Variants in DVL3 observed in about 807,000 individuals in gnomAD.
The protein encoded by DVL3 is dishevelled segment polarity protein 3.
In DVL3, 27 loss-of-function variants were observed where a neutral mutation model predicts 67.4. That is an observed-to-expected ratio of 0.40 (90% CI 0.30 to 0.55). The LOEUF is 0.55. Among genes scored for constraint, DVL3 ranks in the 20% least tolerant of loss-of-function variants. DVL3 has a pLI of 0.46. For synonymous variants in DVL3, 369 were observed against 396.8 expected (o/e 0.93, Z 0.83); for missense variants, 819 against 1,021.5 (o/e 0.80, Z 2.70).
rs201965641 is a variant in DVL3 at position 184,166,530 on chromosome 3, T to C, written c.980+8T>C. ...GATTGTGCACAAACCGGGGTATGGA[T>C]GGAATGGGGCACTGGGCAAGGGGCT... is the stretch of plus-strand genomic sequence containing the variant. On this transcript the variant is annotated splice_region_variant and intron_variant, in intron 9 of 14. Transcript: ENST00000313143. The surrounding 1 kb of genome is among the most constrained non-coding windows in gnomAD (Gnocchi z 6.7). 5.8e-5 allele frequency: 94 copies of C among 1,614,048 alleles called. No homozygotes were observed. The East Asian group carries it at 2.0e-3, about 35-fold the overall frequency.
Position 184,170,213 on chromosome 3 carries a change from A to G in DVL3, c.1706A>G (p.His569Arg), listed in dbSNP as rs2109023798. The change falls in exon 14 of 15, where the codon CAC (histidine) becomes CGC (arginine). Residue 569 changes from histidine (H) to arginine (R), a missense_variant. Transcript: ENST00000313143. The surrounding 1 kb of genome is among the most constrained non-coding windows in gnomAD (Gnocchi z 6.5). ...GGCGGGGGCAGCGCCAGCAGTCAGC[A>G]CAGCGAAGGTAAGGTAGAGGGGCCG... ...SYGGGSASSQ[H>R]SEGSRSSGSN... is the part of the protein sequence containing the mutation. The G allele has an allele frequency of 6.2e-7, 1 of 1,611,816 alleles. No homozygotes were observed. Among genetic ancestry groups the G allele is most frequent in the East Asian group, 2.2e-5 (1 of 44,866 alleles).
In DVL3 at chr3:184,170,823, C is replaced by A; in HGVS notation, c.*68C>A. On this transcript the variant is annotated 3_prime_UTR_variant, in exon 15 of 15. Transcript: ENST00000313143. This position sits in a 1 kb window ranked among gnomAD's most constrained non-coding sequence, Gnocchi z 6.5. ...GGCTGCGTTCCTCTCTCCATCCGTC[C>A]GTCTTTTTTACTTTGTCTGGTACCT... 1.9e-6 allele frequency: 3 copies of A among 1,589,056 alleles called. No homozygotes were observed. The highest frequency in any genetic ancestry group is 2.6e-6 in the Non-Finnish European group (3 of 1,168,334).
At position 184,165,047 on chromosome 3, in the gene DVL3, G is replaced by A. The variant is rs749137779; in HGVS notation, c.600-66G>A. Reference sequence around the variant, plus strand: ...GCTTTGTGTTGGGGACCCAGGCCCTGCAGTGCCTCCCCTCATGGGGGCAGG... The same window carrying A: ...GCTTTGTGTTGGGGACCCAGGCCCTACAGTGCCTCCCCTCATGGGGGCAGG... On this transcript the variant is annotated intron_variant, in intron 5 of 14. Transcript: ENST00000313143. The surrounding 1 kb of genome is among the most constrained non-coding windows in gnomAD (Gnocchi z 4.1). The A allele has an allele frequency of 3.1e-6, 5 of 1,609,580 alleles. No individual in the cohort carries two copies. The South Asian group carries it at 5.5e-5, about 18-fold the overall frequency.
In DVL3 at chr3:184,170,232, G is replaced by A. The variant is rs1293535233; in HGVS notation, c.1714+11G>A. The A allele has an allele frequency of 6.2e-7, 1 of 1,611,844 alleles. No individual in the cohort carries two copies. The highest frequency in any genetic ancestry group is 8.5e-7 in the Non-Finnish European group (1 of 1,179,398). On this transcript the variant is annotated intron_variant, in intron 14 of 14. Transcript: ENST00000313143. The surrounding 1 kb of genome is among the most constrained non-coding windows in gnomAD (Gnocchi z 6.5). ...GTCAGCACAGCGAAGGTAAGGTAGA[G>A]GGGCCGTGGAGGAAGGCTATAGGTG...
At chr3:184,169,874 A>C in intron 13 of DVL3, 132 bp from the exon 14 acceptor site, 2 of 772,594 alleles carry the variant, frequency 2.6e-6, no homozygotes, top group Non-Finnish European at 4.0e-6. Context: ...AGAAGGGGGG[A>C]GCTCTCTGGG....
chr3:184,156,580 G>A (rs1714197587), intron 1 of DVL3: 2 of 414,630 alleles, frequency 4.8e-6, no homozygotes, highest in Non-Finnish European at 9.7e-6. Flanking sequence ...CCCCTCCCTG[G>A]TGGGGTCTTC....
intron 13 of DVL3, among the ~76,000 whole-genome samples, chr3:184,169,507 TA>T (rs1015477289): frequency 6.6e-6 from 1 of 152,108 alleles, no homozygotes; most frequent in African/African-American, 2.4e-5. Context: ...CCAGCCTGGC[TA>T]ACGTGGCAAA....
At position 184,163,600 on chromosome 3, in the gene DVL3, G is replaced by C; in HGVS notation, c.162-57G>C. On this transcript the variant is annotated intron_variant, in intron 1 of 14. Coordinates refer to ENST00000313143, the MANE Select transcript of DVL3 (RefSeq NM_004423.4). The surrounding 1 kb of genome is among the most constrained non-coding windows in gnomAD (Gnocchi z 4.5). ...GAGGAGCCCCTGAGAGTTGGGATTT[G>C]AGGATCCTCCATTTGCACCCTAGAA... 6.8e-7 allele frequency: 1 copy of C among 1,481,050 alleles called. No individual in the cohort carries two copies. The highest frequency in any genetic ancestry group is 1.1e-5 in the South Asian group (1 of 88,444). The allele number at this position is 1,481,050 out of a possible 1,614,324, so 91.7% of individuals were successfully genotyped here. A position where few individuals can be genotyped will look rare whatever the true frequency, so the allele number is the denominator to read the frequency against.
At position 184,166,783 on chromosome 3, in the gene DVL3, G is replaced by A; in HGVS notation, c.1049-43G>A. The A allele has an allele frequency of 1.2e-6, 2 of 1,613,632 alleles. No homozygotes were observed. Among genetic ancestry groups the A allele is most frequent in the South Asian group, 1.1e-5 (1 of 91,054 alleles). ...CATATCTATCCTGTTGGGCCCAGCA[G>A]TGGGTGGGGTGGGTAGCCCATGACT... On this transcript the variant is annotated intron_variant, in intron 10 of 14. Transcript: ENST00000313143. The surrounding 1 kb of genome is among the most constrained non-coding windows in gnomAD (Gnocchi z 6.7).
intron 1 of DVL3, chr3:184,156,802 G>T (rs1714209977): frequency 3.5e-6 from 1 of 283,988 alleles, no homozygotes; most frequent in Non-Finnish European, 7.0e-6. Flanking sequence ...CTAACTGGGC[G>T]CTGGGCCTGG....
At chr3:184,169,943 C>G (rs1714746804) in intron 13 of DVL3, 63 bp from the exon 14 acceptor site, 3 of 1,446,930 alleles carry the variant, frequency 2.1e-6, no homozygotes, top group Non-Finnish European at 2.8e-6. Context: ...CAGAGCCCAC[C>G]TGACCTAGGC....
At chr3:184,168,811 G>C (rs1029665358) in intron 13 of DVL3, among the ~76,000 whole-genome samples, 1 of 152,182 alleles carries the variant, frequency 6.6e-6, no homozygotes, top group Non-Finnish European at 1.5e-5. Flanking sequence ...AGTCCTGGTG[G>C]CCCCTTATAT....
In DVL3 at chr3:184,164,924, A is replaced by G. The variant is rs769468812; in HGVS notation, c.592A>G (p.Thr198Ala). ...CTTTGACTCAGATGAGGATGACTCC[A>G]CCAGCAGGTGGGGCTTGAGTTTCAT... ...SFFDSDEDDS[T>A]SRFSSSTEQS... The change falls in exon 5 of 15, where the codon ACC becomes GCC. Residue 198 changes from threonine (T) to alanine (A), a missense_variant. This residue lies in a region of DVL3 where 385 missense variants were observed against 486.8 expected (regional missense o/e 0.79). Coordinates refer to ENST00000313143, the MANE Select transcript of DVL3 (RefSeq NM_004423.4). This position sits in a 1 kb window ranked among gnomAD's most constrained non-coding sequence, Gnocchi z 5.3. The G allele has an allele frequency of 6.8e-6, 11 of 1,614,168 alleles. No homozygotes were observed. The Admixed American group carries it at 1.8e-4, about 27-fold the overall frequency.
In DVL3 at chr3:184,171,096, C is replaced by T. The variant is rs1714820886; in HGVS notation, c.*341C>T. The T allele has an allele frequency of 8.1e-6, 10 of 1,232,818 alleles. No individual in the cohort carries two copies. The highest frequency in any genetic ancestry group is 1.0e-5 in the Non-Finnish European group (10 of 974,230). 76.4% of individuals were successfully genotyped at this position (1,232,818 alleles called of 1,614,324 possible). A position where few individuals can be genotyped will look rare whatever the true frequency, so the allele number is the denominator to read the frequency against. The stretch of plus-strand genomic sequence containing the variant: ...TTTGGGAGTTGACCCCAGCAATGAC[C>T]TTGGTGGCACGCTCACTCCCTCATT... On this transcript the variant is annotated 3_prime_UTR_variant, in exon 15 of 15. Coordinates refer to ENST00000313143, the MANE Select transcript of DVL3 (RefSeq NM_004423.4).
chr3:184,156,421 C>T (rs748886261), intron 1 of DVL3: 1 of 456,734 alleles, frequency 2.2e-6, no homozygotes, highest in South Asian at 1.5e-5. Flanking sequence ...GAGCCTGACC[C>T]CTGCGGAGTA....
chr3:184,158,821 G>C (rs1417398110), intron 1 of DVL3, among the ~76,000 whole-genome samples: 2 of 149,658 alleles, frequency 1.3e-5, no homozygotes, highest in African/African-American at 2.5e-5. Context: ...CGTCACCCAG[G>C]CTGGAGTGCA....
intron 1 of DVL3, among the ~76,000 whole-genome samples, chr3:184,162,895 G>A (rs1380283672): frequency 6.6e-6 from 1 of 152,174 alleles, no homozygotes; most frequent in Admixed American, 6.5e-5. Context: ...TAGTTTGGCC[G>A]GGGGAATGTG....
intron 1 of DVL3, among the ~76,000 whole-genome samples, chr3:184,161,233 C>T (rs1299803788): frequency 1.3e-5 from 2 of 152,180 alleles, no homozygotes; most frequent in Non-Finnish European, 2.9e-5. Flanking sequence ...TCAAGACCAC[C>T]CTGGCCAACA....
In DVL3 at chr3:184,172,924, T is replaced by A. The variant is rs1231170717; in HGVS notation, c.*2169T>A. The A allele has an allele frequency of 6.6e-6, 1 of 152,244 alleles. No homozygotes were observed. Among genetic ancestry groups the A allele is most frequent in the African/African-American group, 2.4e-5 (1 of 41,452 alleles). 9.4% of individuals were successfully genotyped at this position (152,244 alleles called of 1,614,324 possible). On this transcript the variant is annotated 3_prime_UTR_variant, in exon 15 of 15. Transcript: ENST00000313143. ...CTGACTCTGTCTTGTCCGACTCTCT[T>A]GAGAATTTCTCAACGATTGCTCATG... is the stretch of plus-strand genomic sequence containing the variant.
Sources: allele counts gnomAD v4.1 joint callset (sites outside exome capture counted in the v4.1 genomes callset), GRCh38; gene constraint gnomAD v4.1.1; regional missense constraint gnomAD v4.1.1; non-coding constraint Gnocchi (gnomAD v3.1); transcripts MANE v1.5; gene names NCBI Gene and HGNC (gene_info 2026-07-23, HGNC 2026-07-21).